Variants in MAN2B2 observed in about 807,000 individuals in gnomAD.
MAN2B2 encodes the protein mannosidase alpha class 2B member 2.
In MAN2B2, 106 loss-of-function variants were observed where a neutral mutation model predicts 117.1. The ratio of observed to expected loss-of-function variants is 0.90; its 90% CI spans 0.77 to 1.06. The LOEUF (loss-of-function observed/expected upper bound fraction) is 1.06. MAN2B2 is among the 50% of genes least tolerant of loss of function. The pLI is 0.00. For synonymous variants in MAN2B2, 544 were observed against 595.1 expected (o/e 0.91, Z 1.25); for missense variants, 1,326 against 1,381.4 (o/e 0.96, Z 0.64).
chr4:6,595,668 A>G (rs1727049333), intron 7 of MAN2B2, among the ~76,000 whole-genome samples: 1 of 152,216 alleles, frequency 6.6e-6, no homozygotes, highest in African/African-American at 2.4e-5. Context: ...ATCTCCTCTT[A>G]AGCATCCCAC....
At chr4:6,614,075 G>T in intron 15 of MAN2B2, 143 bp from the exon 16 acceptor site, 1 of 977,198 alleles carries the variant, frequency 1.0e-6, no homozygotes, top group South Asian at 1.7e-5. Flanking sequence ...CAAACACTTT[G>T]GGCTGGTGCG....
At chr4:6,598,120 G>C in intron 8 of MAN2B2, 78 bp from the exon 9 acceptor site, 1 of 1,492,010 alleles carries the variant, frequency 6.7e-7, no homozygotes, top group Non-Finnish European at 9.2e-7. Flanking sequence ...GAGAGCCAGC[G>C]CCTAGTAGGT....
chr4:6,596,528 A>C (rs1727094262), intron 7 of MAN2B2, among the ~76,000 whole-genome samples: 1 of 152,148 alleles, frequency 6.6e-6, no homozygotes, highest in Middle Eastern at 3.4e-3. Flanking sequence ...TGCCTCCTGC[A>C]TGGGCCCTGG....
intron 18 of MAN2B2, 105 bp downstream of exon 18, chr4:6,620,149 G>A (rs1034902586): frequency 3.4e-5 from 31 of 918,592 alleles, no homozygotes; most frequent in Non-Finnish European, 4.6e-5. Context: ...CGGCCTGTGC[G>A]ACCTTGCGAG....
chr4:6,584,252 A>C (rs1726550804), intron 3 of MAN2B2, among the ~76,000 whole-genome samples: 1 of 152,190 alleles, frequency 6.6e-6, no homozygotes. Context: ...TTACTTAACA[A>C]GATGGGGATA....
chr4:6,586,533 C>T (rs146388555), intron 3 of MAN2B2, among the ~76,000 whole-genome samples: 2 of 152,272 alleles, frequency 1.3e-5, no homozygotes, highest in East Asian at 1.9e-4. Context: ...AAGGACATTA[C>T]GCAGAGTGAA....
At chr4:6,604,140 T>A (rs1727439705) in intron 10 of MAN2B2, among the ~76,000 whole-genome samples, 1 of 151,998 alleles carries the variant, frequency 6.6e-6, no homozygotes, top group Non-Finnish European at 1.5e-5. Flanking sequence ...GGCAGGAGTG[T>A]CAGGAAGGAA....
chr4:6,575,204 C>A lies in MAN2B2; in HGVS notation c.-7C>A. 1 of 1,434,848 alleles carries A rather than the reference C, an allele frequency of 7.0e-7. No individual in the cohort carries two copies. Among genetic ancestry groups the A allele is most frequent in the Non-Finnish European group, 9.4e-7 (1 of 1,060,382 alleles). The allele number at this position is 1,434,848 out of a possible 1,614,324, so 88.9% of individuals were successfully genotyped here. A position where few individuals can be genotyped will look rare whatever the true frequency, so the allele number is the denominator to read the frequency against. On this transcript the variant is annotated 5_prime_UTR_variant, in exon 1 of 19. Coordinates refer to ENST00000285599, the MANE Select transcript of MAN2B2 (RefSeq NM_015274.3). ...TGGGCCTGGCACCTTCCCGGCCTGCCGCAGGGATGGGGCAGCTGTGCTGGC... is the reference window on the plus strand; with the variant it reads ...TGGGCCTGGCACCTTCCCGGCCTGCAGCAGGGATGGGGCAGCTGTGCTGGC...
rs201339762 is a variant in MAN2B2 at position 6,575,209 on chromosome 4, G to C, written c.-2G>C. On this transcript the variant is annotated 5_prime_UTR_variant, in exon 1 of 19. Transcript: ENST00000285599. ...CTGGCACCTTCCCGGCCTGCCGCAG[G>C]GATGGGGCAGCTGTGCTGGCTGCCG... is the stretch of plus-strand genomic sequence containing the variant. The C allele has an allele frequency of 6.9e-7, 1 of 1,458,454 alleles. No homozygotes were observed. Among genetic ancestry groups the C allele is most frequent in the Non-Finnish European group, 9.3e-7 (1 of 1,080,028 alleles). The allele number at this position is 1,458,454 out of a possible 1,614,324, so 90.3% of individuals were successfully genotyped here. A position where few individuals can be genotyped will look rare whatever the true frequency, so the allele number is the denominator to read the frequency against.
intron 5 of MAN2B2, among the ~76,000 whole-genome samples, chr4:6,589,625 A>C (rs1358829419): frequency 6.6e-6 from 1 of 152,080 alleles, no homozygotes; most frequent in Non-Finnish European, 1.5e-5. Flanking sequence ...GGGGTTATCA[A>C]CCCCATTTTA....
At chr4:6,613,092 C>G (rs935462897) in intron 15 of MAN2B2, among the ~76,000 whole-genome samples, 1 of 152,222 alleles carries the variant, frequency 6.6e-6, no homozygotes, top group Non-Finnish European at 1.5e-5. Flanking sequence ...TGCAAAAGTC[C>G]TAGGGAAAGA....
At chr4:6,608,649 TG>T (rs1382656042) in intron 11 of MAN2B2, among the ~76,000 whole-genome samples, 1 of 152,158 alleles carries the variant, frequency 6.6e-6, no homozygotes, top group Admixed American at 6.5e-5. Flanking sequence ...GGGAGTGGGA[TG>T]GGTTAACAGT....
intron 3 of MAN2B2, among the ~76,000 whole-genome samples, chr4:6,586,425 G>A (rs1030968151): frequency 2.0e-5 from 3 of 152,146 alleles, no homozygotes; most frequent in Admixed American, 1.3e-4. Flanking sequence ...TATTGTTGGT[G>A]ATGTCCAAGA....
intron 16 of MAN2B2, 70 bp from the exon 17 acceptor site, chr4:6,617,307 AGCG>A (rs1711928350): frequency 8.9e-7 from 1 of 1,126,300 alleles, no homozygotes; most frequent in African/African-American, 1.5e-5. Flanking sequence ...TGTGTAAAGC[AGCG>A]GGTATAGACC....
At chr4:6,596,790 G>A (rs1727107747) in intron 7 of MAN2B2, among the ~76,000 whole-genome samples, 1 of 152,168 alleles carries the variant, frequency 6.6e-6, no homozygotes, top group Non-Finnish European at 1.5e-5. Flanking sequence ...TCACACAGCT[G>A]TTCTGTGTTT....
chr4:6,597,254 C>T lies in MAN2B2; in HGVS notation c.1199C>T (p.Pro400Leu). 6.3e-7 allele frequency: 1 copy of T among 1,587,422 alleles called. No individual in the cohort carries two copies. The highest frequency in any genetic ancestry group is 1.4e-5 in the African/African-American group (1 of 73,870). ...CCGGCCCCCCGTGGGCATCTGGACC[C>T]CACCTGGGCCCTGCAGCAGCTCCAG... ...LWPAPRGHLD[P>L]TWALQQLQQL... Residue 400 changes from proline to leucine, a missense_variant, in exon 8 of 19, where the codon CCC becomes CTC. Coordinates refer to ENST00000285599, the MANE Select transcript of MAN2B2 (RefSeq NM_015274.3).
intron 9 of MAN2B2, among the ~76,000 whole-genome samples, chr4:6,600,095 G>A (rs1341875013): frequency 6.6e-6 from 1 of 152,216 alleles, no homozygotes; most frequent in Non-Finnish European, 1.5e-5. Context: ...CTCAGGTGTG[G>A]CCAGACCTCA....
intron 13 of MAN2B2, 74 bp downstream of exon 13, chr4:6,610,124 C>A: frequency 6.6e-7 from 1 of 1,520,752 alleles, no homozygotes; most frequent in Non-Finnish European, 8.9e-7. Flanking sequence ...CAAATTGCAG[C>A]AGTAGAGGCC....
intron 10 of MAN2B2, among the ~76,000 whole-genome samples, chr4:6,602,158 CT>C (rs552402450): frequency 8.3e-4 from 127 of 152,366 alleles, no homozygotes; most frequent in Middle Eastern, 3.4e-3. Flanking sequence ...TGAGCTGAGC[CT>C]TCCCCTGCAC....
Sources: allele counts gnomAD v4.1 joint callset (sites outside exome capture counted in the v4.1 genomes callset), GRCh38; gene constraint gnomAD v4.1.1; transcripts MANE v1.5; gene names NCBI Gene and HGNC (gene_info 2026-07-23, HGNC 2026-07-21).